Variants in KIAA1671 observed in about 807,000 individuals in gnomAD.
The protein encoded by KIAA1671 is KIAA1671, also known as uncharacterized protein KIAA1671.
Under a neutral mutation model 131.2 loss-of-function variants are expected in KIAA1671, and 52 were observed. The ratio of observed to expected loss-of-function variants is 0.40; its 90% CI spans 0.32 to 0.50. The LOEUF is 0.50. Ranked by LOEUF, KIAA1671 falls within the 20% of genes least tolerant of loss-of-function variation. The pLI is 0.73. For missense variants in KIAA1671, 2,360 were observed against 2,364.2 expected, an observed-to-expected ratio of 1.00 and a Z score of 0.04; for synonymous variants, 1,003 against 961.6, an observed-to-expected ratio of 1.04 and a Z score of -0.80.
intron 6 of KIAA1671, among the ~76,000 whole-genome samples, chr22:25,126,989 C>T (rs1162962285): frequency 1.3e-5 from 2 of 152,144 alleles, no homozygotes; most frequent in African/African-American, 4.8e-5. Context: ...TGGCTATGGG[C>T]CTCAGTTTCC....
intron 6 of KIAA1671, among the ~76,000 whole-genome samples, chr22:25,119,228 G>A (rs1380947142): frequency 6.6e-6 from 1 of 152,100 alleles, no homozygotes; most frequent in Non-Finnish European, 1.5e-5. Flanking sequence ...TATTATAGAT[G>A]GGTAAACTGA....
At chr22:25,087,193 C>G (rs1462514850) in intron 6 of KIAA1671, among the ~76,000 whole-genome samples, 2 of 141,336 alleles carry the variant, frequency 1.4e-5, no homozygotes, top group African/African-American at 5.1e-5. Context: ...ATTTACCAAC[C>G]TCAGCTACAT....
chr22:24,988,735 C>CAAAA (rs133092), intron 1 of KIAA1671, among the ~76,000 whole-genome samples: 22 of 106,490 alleles, frequency 2.1e-4, no homozygotes, highest in African/African-American at 6.8e-4. Context: ...GACTCCATCT[C>CAAAA]AAAAAAAAAA....
intron 6 of KIAA1671, among the ~76,000 whole-genome samples, chr22:25,093,830 C>T (rs148120337): frequency 1.4e-4 from 11 of 80,350 alleles, no homozygotes; most frequent in South Asian, 5.3e-4. Context: ...CTCTTTCTCT[C>T]TCTGTCTGTC....
intron 6 of KIAA1671, among the ~76,000 whole-genome samples, chr22:25,153,989 ACTT>A (rs1051134497): frequency 6.6e-6 from 1 of 152,180 alleles, no homozygotes; most frequent in Admixed American, 6.5e-5. Context: ...CCAAGAGACT[ACTT>A]CTTTTCTTCG....
intron 5 of KIAA1671, among the ~76,000 whole-genome samples, chr22:25,042,007 G>C (rs1926951687): frequency 6.6e-6 from 1 of 152,186 alleles, no homozygotes; most frequent in African/African-American, 2.4e-5. Context: ...GCCTCCCAAA[G>C]TGCTGGGATG....
chr22:25,143,211 A>G (rs1038650377), intron 6 of KIAA1671, among the ~76,000 whole-genome samples: 1 of 152,050 alleles, frequency 6.6e-6, no homozygotes, highest in Non-Finnish European at 1.5e-5. Context: ...AGCCAGGGGA[A>G]GAAGGCCTTG....
At chr22:25,074,791 T>A (rs1321252868) in intron 6 of KIAA1671, among the ~76,000 whole-genome samples, 2 of 152,176 alleles carry the variant, frequency 1.3e-5, no homozygotes, top group Non-Finnish European at 1.5e-5. Flanking sequence ...AACTGGACAC[T>A]TCGGGTGTGT....
intron 6 of KIAA1671, among the ~76,000 whole-genome samples, chr22:25,141,846 C>T (rs999151021): frequency 2.0e-5 from 3 of 152,180 alleles, no homozygotes; most frequent in Admixed American, 2.0e-4. Flanking sequence ...TGGCATCTTC[C>T]AAAGTGTGGC....
intron 6 of KIAA1671, chr22:25,059,423 A>C (rs1928033826): frequency 6.6e-6 from 1 of 151,228 alleles, no homozygotes; most frequent in Non-Finnish European, 1.5e-5. Context: ...CAGGGGTTGC[A>C]GTGAGCCAAG....
At chr22:25,083,915 C>T (rs1326495635) in intron 6 of KIAA1671, among the ~76,000 whole-genome samples, 2 of 152,228 alleles carry the variant, frequency 1.3e-5, no homozygotes, top group East Asian at 1.9e-4. Flanking sequence ...TCCAGCTCTG[C>T]CCTGACCGCC....
intron 6 of KIAA1671, among the ~76,000 whole-genome samples, chr22:25,081,991 T>G (rs1929434673): frequency 6.6e-6 from 1 of 151,858 alleles, no homozygotes; most frequent in South Asian, 2.1e-4. Flanking sequence ...AGCCCAGGAG[T>G]TGGAAGCTAC....
intron 10 of KIAA1671, among the ~76,000 whole-genome samples, chr22:25,182,426 T>C (rs1290662449): frequency 2.0e-5 from 3 of 151,788 alleles, no homozygotes; most frequent in African/African-American, 7.3e-5. Context: ...TTTATCCTTC[T>C]TTTTTTCCTT....
At chr22:25,073,231 C>A (rs9624718) in intron 6 of KIAA1671, among the ~76,000 whole-genome samples, 36,443 of 151,794 alleles carry the variant, frequency 0.24, 4,408 homozygotes, top group South Asian at 0.31. Flanking sequence ...TCATGCCCAG[C>A]TAATTTTTTA....
chr22:25,131,011 A>C (rs993616110), intron 6 of KIAA1671, among the ~76,000 whole-genome samples: 1 of 152,210 alleles, frequency 6.6e-6, no homozygotes, highest in Non-Finnish European at 1.5e-5. Context: ...AAAAATGGAA[A>C]AGAAAGTAGA....
intron 1 of KIAA1671, among the ~76,000 whole-genome samples, chr22:24,955,991 C>T (rs1178219640): frequency 6.7e-6 from 1 of 148,308 alleles, no homozygotes; most frequent in Non-Finnish European, 1.5e-5. Flanking sequence ...TGCCACTGCA[C>T]TCCAGCCTGG....
At chr22:25,061,340 C>G (rs1032116709) in intron 6 of KIAA1671, 4 of 152,194 alleles carry the variant, frequency 2.6e-5, no homozygotes, top group Non-Finnish European at 5.9e-5. Flanking sequence ...CTCCAAGAAG[C>G]CCTCCTGGGT....
chr22:25,145,660 C>G (rs897700446), intron 6 of KIAA1671, among the ~76,000 whole-genome samples: 1 of 152,196 alleles, frequency 6.6e-6, no homozygotes, highest in African/African-American at 2.4e-5. Context: ...AGCTAGAGGC[C>G]GGGCACAATG....
At chr22:24,966,741 C>A (rs1172232971) in intron 1 of KIAA1671, among the ~76,000 whole-genome samples, 1 of 152,030 alleles carries the variant, frequency 6.6e-6, no homozygotes, top group Admixed American at 6.6e-5. Context: ...TTGCTTGAGC[C>A]CAGGAGTTTG....
Sources: allele counts gnomAD v4.1 joint callset (sites outside exome capture counted in the v4.1 genomes callset), GRCh38; gene constraint gnomAD v4.1.1; transcripts MANE v1.5; gene names NCBI Gene and HGNC (gene_info 2026-07-23, HGNC 2026-07-21).